The following CCSER1 variants were observed in gnomAD, a reference collection of about 807,000 sequenced individuals.
CCSER1 encodes coiled-coil serine rich protein 1.
In CCSER1, 41 loss-of-function variants were observed where a neutral mutation model predicts 82.0. The observed-to-expected ratio is 0.50, with a 90% CI of 0.39 to 0.65. The LOEUF is 0.65. Ranked by LOEUF, CCSER1 falls within the 30% of genes least tolerant of loss-of-function variation. The pLI is 0.00. For synonymous variants in CCSER1, 414 were observed against 383.9 expected (o/e 1.08, Z -0.92); for missense variants, 1,119 against 1,064.2 (o/e 1.05, Z -0.72).
rs1730922711 is a variant in CCSER1 at position 91,157,413 on chromosome 4, TTATC to T, written c.2217+71422_2217+71425del. 3.3e-5 allele frequency among the ~76,000 whole-genome samples: 5 copies of T among 152,100 alleles called. No homozygotes were observed. In the South Asian group the frequency reaches 8.3e-4, roughly 25 times the overall value. ...AGACAGCCTTATAAGGCATTTCTCT[TTATC>T]TAATTATTTTGTTATTAGAGTCACA... On this transcript the variant is annotated intron_variant, in intron 10 of 10. Transcript: ENST00000509176.
chr4:91,448,866 G>T (rs1232006630), intron 10 of CCSER1, among the ~76,000 whole-genome samples: 4 of 152,062 alleles, frequency 2.6e-5, no homozygotes, highest in African/African-American at 9.7e-5. Context: ...GTAGGGAGAG[G>T]CAGACAACAA....
At chr4:90,481,097 C>T (rs1330763500) in intron 5 of CCSER1, among the ~76,000 whole-genome samples, 1 of 152,066 alleles carries the variant, frequency 6.6e-6, no homozygotes, top group Non-Finnish European at 1.5e-5. Context: ...CCTTCACATC[C>T]CTTGTAAGTT....
intron 10 of CCSER1, among the ~76,000 whole-genome samples, chr4:91,445,527 T>C (rs965030312): frequency 6.6e-6 from 1 of 151,990 alleles, no homozygotes; most frequent in Non-Finnish European, 1.5e-5. Flanking sequence ...ACAGTAGAGA[T>C]TATATATTTT....
intron 10 of CCSER1, among the ~76,000 whole-genome samples, chr4:91,182,026 A>G (rs1560499145): frequency 6.6e-6 from 1 of 152,196 alleles, no homozygotes; most frequent in Admixed American, 6.5e-5. Flanking sequence ...TAAATTATTC[A>G]TTGTGACTGG....
chr4:91,548,489 T>A (rs937705306), intron 10 of CCSER1, among the ~76,000 whole-genome samples: 2 of 152,218 alleles, frequency 1.3e-5, no homozygotes, highest in African/African-American at 2.4e-5. Context: ...TAGTCTGTAT[T>A]GTTTTTCTTC....
At chr4:91,433,134 G>GA in intron 10 of CCSER1, among the ~76,000 whole-genome samples, 1 of 152,208 alleles carries the variant, frequency 6.6e-6, no homozygotes, top group East Asian at 1.9e-4. Flanking sequence ...TTATATGAAT[G>GA]AAAATTTGAT....
chr4:90,943,259 T>G (rs961718937), intron 9 of CCSER1, among the ~76,000 whole-genome samples: 1 of 152,110 alleles, frequency 6.6e-6, no homozygotes. Context: ...TTAATTTTGT[T>G]TACCTCGTGG....
intron 8 of CCSER1, among the ~76,000 whole-genome samples, chr4:90,827,221 C>T (rs1369625517): frequency 6.6e-6 from 1 of 152,170 alleles, no homozygotes; most frequent in Non-Finnish European, 1.5e-5. Context: ...TTTATGGTTT[C>T]TTCTGGTCAT....
intron 9 of CCSER1, among the ~76,000 whole-genome samples, chr4:91,030,392 G>C (rs1740873605): frequency 6.6e-6 from 1 of 152,062 alleles, no homozygotes; most frequent in Non-Finnish European, 1.5e-5. Flanking sequence ...TGAATATTGT[G>C]ACTAAGGGAT....
At chr4:91,064,999 A>T (rs921770427) in intron 9 of CCSER1, among the ~76,000 whole-genome samples, 3 of 152,152 alleles carry the variant, frequency 2.0e-5, no homozygotes, top group Non-Finnish European at 4.4e-5. Flanking sequence ...ACAGTAAAAA[A>T]TCAAGATGGT....
chr4:90,757,939 T>A (rs1056136259), intron 7 of CCSER1, among the ~76,000 whole-genome samples: 3 of 151,444 alleles, frequency 2.0e-5, no homozygotes, highest in Non-Finnish European at 3.0e-5. Context: ...TTTTCTTTTT[T>A]TTTTTTTTTT....
chr4:90,321,937 C>T (rs1160971839), intron 3 of CCSER1, among the ~76,000 whole-genome samples: 2 of 151,988 alleles, frequency 1.3e-5, no homozygotes, highest in African/African-American at 4.8e-5. Context: ...TGGGTTGTCT[C>T]TTGACTTTGT....
In CCSER1 at chr4:91,557,972, G is replaced by A. The variant is rs566894222; in HGVS notation, c.2218-40600G>A. Among the ~76,000 whole-genome samples the A allele has an allele frequency of 2.0e-5, 3 of 150,996 alleles. No individual in the cohort carries two copies. The South Asian group carries it at 6.2e-4, about 31-fold the overall frequency. On this transcript the variant is annotated intron_variant, in intron 10 of 10. Transcript: ENST00000509176. ...ACCATGATAAAAATACACAAAAAAAGATATTAATGGGGTAAATTAAAATAC... is the reference window on the plus strand; with the variant it reads ...ACCATGATAAAAATACACAAAAAAAAATATTAATGGGGTAAATTAAAATAC...
intron 10 of CCSER1, among the ~76,000 whole-genome samples, chr4:91,482,838 G>T (rs1441380860): frequency 6.6e-6 from 1 of 151,958 alleles, no homozygotes; most frequent in Non-Finnish European, 1.5e-5. Context: ...GCAAACTATC[G>T]CAAGGACAAA....
chr4:90,906,080 T>C (rs1334818927), intron 8 of CCSER1, among the ~76,000 whole-genome samples: 2 of 152,150 alleles, frequency 1.3e-5, no homozygotes, highest in South Asian at 2.1e-4. Context: ...TAAATGTCTT[T>C]GCTACCATTT....
At chr4:90,172,802 G>C (rs892865052) in intron 1 of CCSER1, among the ~76,000 whole-genome samples, 12 of 151,872 alleles carry the variant, frequency 7.9e-5, no homozygotes, top group African/African-American at 2.7e-4. Context: ...AAATGAAATA[G>C]TGACCTAGGA....
intron 7 of CCSER1, among the ~76,000 whole-genome samples, chr4:90,749,634 G>A (rs188009046): frequency 2.0e-5 from 3 of 152,156 alleles, no homozygotes; most frequent in Admixed American, 1.3e-4. Flanking sequence ...TGGGCAGTAT[G>A]GCCATTTTCA....
intron 1 of CCSER1, among the ~76,000 whole-genome samples, chr4:90,128,656 G>A (rs1722273925): frequency 6.6e-6 from 1 of 152,180 alleles, no homozygotes; most frequent in South Asian, 2.1e-4. Context: ...CACGGTGCCA[G>A]CAAGGGGTAA....
chr4:91,151,122 TATTA>T (rs1320028306), intron 10 of CCSER1, among the ~76,000 whole-genome samples: 3 of 152,198 alleles, frequency 2.0e-5, no homozygotes, highest in Non-Finnish European at 4.4e-5. Context: ...GTTGGTAGGC[TATTA>T]ATTATTGCCT....
Sources: allele counts gnomAD v4.1 joint callset (sites outside exome capture counted in the v4.1 genomes callset), GRCh38; gene constraint gnomAD v4.1.1; transcripts MANE v1.5; gene names NCBI Gene and HGNC (gene_info 2026-07-23, HGNC 2026-07-21).